Variants in TMEM200A observed in about 807,000 individuals in gnomAD.
TMEM200A encodes two transmembrane C.
In TMEM200A, 12 loss-of-function variants were observed where a neutral mutation model predicts 24.3. That is an observed-to-expected ratio of 0.49 (90% confidence interval 0.32 to 0.80). The LOEUF is 0.80. Ranked by LOEUF, TMEM200A falls within the 30% of genes least tolerant of loss-of-function variation. TMEM200A has a pLI of 0.04. For missense variants in TMEM200A, 545 were observed against 614.4 expected (o/e 0.89, Z 1.19); for synonymous variants, 224 against 224.4 (o/e 1.00, Z 0.02).
At chr6:130,392,452 T>C (rs1778856915) in intron 2 of TMEM200A, among the ~76,000 whole-genome samples, 1 of 152,228 alleles carries the variant, frequency 6.6e-6, no homozygotes, top group East Asian at 1.9e-4. Flanking sequence ...TCATTTCCAG[T>C]GCAATAGCTT....
At chr6:130,407,762 T>C (rs1262987770) in intron 2 of TMEM200A, among the ~76,000 whole-genome samples, 1 of 152,198 alleles carries the variant, frequency 6.6e-6, no homozygotes, top group Non-Finnish European at 1.5e-5. Context: ...AATAACATTT[T>C]AGAAACAGAA....
At chr6:130,388,683 A>G (rs1015984832) in intron 2 of TMEM200A, among the ~76,000 whole-genome samples, 4 of 152,108 alleles carry the variant, frequency 2.6e-5, no homozygotes, top group East Asian at 1.9e-4. Context: ...TATATTTGTA[A>G]ATATATAGTT....
At chr6:130,408,133 A>G (rs185769591) in intron 2 of TMEM200A, among the ~76,000 whole-genome samples, 7 of 152,290 alleles carry the variant, frequency 4.6e-5, no homozygotes, top group African/African-American at 1.2e-4. Flanking sequence ...CGTAGTGCAC[A>G]ATACTGTAGT....
chr6:130,417,294 T>TCAAA (rs1236848670), intron 2 of TMEM200A, among the ~76,000 whole-genome samples: 4 of 152,184 alleles, frequency 2.6e-5, no homozygotes, highest in Non-Finnish European at 4.4e-5. Flanking sequence ...TGAATGTCAC[T>TCAAA]CAAACACTTT....
chr6:130,420,977 T>C (rs2115181464), intron 2 of TMEM200A: 1 of 152,330 alleles, frequency 6.6e-6, no homozygotes, highest in Middle Eastern at 3.4e-3. Flanking sequence ...GTTTCTCTAG[T>C]AACAGCATTC....
chr6:130,382,995 T>C (rs1778636036), intron 1 of TMEM200A: 6 of 984,974 alleles, frequency 6.1e-6, no homozygotes, highest in Middle Eastern at 5.2e-4. Context: ...GCAAACCATC[T>C]CACCCAAGGG....
chr6:130,415,574 T>C (rs949081531), intron 2 of TMEM200A, among the ~76,000 whole-genome samples: 2 of 152,168 alleles, frequency 1.3e-5, no homozygotes, highest in African/African-American at 2.4e-5. Flanking sequence ...TGAAAGGATG[T>C]GGGGGTCTCT....
At chr6:130,431,149 A>G (rs964509857) in intron 2 of TMEM200A, among the ~76,000 whole-genome samples, 6 of 152,166 alleles carry the variant, frequency 3.9e-5, no homozygotes, top group East Asian at 1.9e-4. Flanking sequence ...TGAAATTGCT[A>G]TTGTCCTCCA....
intron 2 of TMEM200A, among the ~76,000 whole-genome samples, chr6:130,401,681 T>G (rs1047436319): frequency 2.0e-5 from 3 of 152,000 alleles, no homozygotes; most frequent in Non-Finnish European, 4.4e-5. Context: ...ATTGCAAGAT[T>G]GTTTTCCTGA....
At chr6:130,426,770 A>G (rs1282032977) in intron 2 of TMEM200A, among the ~76,000 whole-genome samples, 1 of 152,188 alleles carries the variant, frequency 6.6e-6, no homozygotes, top group Non-Finnish European at 1.5e-5. Context: ...GAGAAAGTTC[A>G]TCGATGCTGA....
chr6:130,438,124 A>G (rs1780065071), intron 2 of TMEM200A: 1 of 152,236 alleles, frequency 6.6e-6, no homozygotes, highest in Admixed American at 6.5e-5. Context: ...TCAAGAAAAC[A>G]TAGGTTGACA....
chr6:130,390,834 T>C (rs1778816315), intron 2 of TMEM200A, among the ~76,000 whole-genome samples: 1 of 152,230 alleles, frequency 6.6e-6, no homozygotes, highest in Non-Finnish European at 1.5e-5. Flanking sequence ...TGTTCACTGC[T>C]CTGCTCTCTG....
At chr6:130,385,793 T>C (rs4897419) in intron 2 of TMEM200A, among the ~76,000 whole-genome samples, 74,071 of 152,066 alleles carry the variant, frequency 0.49, 22,137 homozygotes, top group African/African-American at 0.85. Context: ...TGTAATCTCA[T>C]ATTATTTTAC....
chr6:130,440,350 GC>G (rs898700018), intron 2 of TMEM200A, 56 bp from the exon 3 acceptor site: 2 of 1,455,308 alleles, frequency 1.4e-6, no homozygotes, highest in Non-Finnish European at 1.8e-6. Flanking sequence ...TTGAACTGAT[GC>G]TCATACCCCA....
rs78463675 is a variant in TMEM200A at position 130,416,609 on chromosome 6, C to T, written c.-16-23798C>T. On this transcript the variant is annotated intron_variant, in intron 2 of 2. Transcript: ENST00000296978. The stretch of plus-strand genomic sequence containing the variant: ...CTGTCTGTTCTGTCTACTCTGTTCA[C>T]CCTAGTGACTGCCACCCTGGTTCAA... Among the ~76,000 whole-genome samples the T allele has an allele frequency of 4.2e-3, 634 of 152,248 alleles. 7 individuals carry two copies. The highest frequency in any genetic ancestry group is 0.014 in the African/African-American group (590 of 41,544).
chr6:130,428,623 C>T (rs1562570127), intron 2 of TMEM200A, among the ~76,000 whole-genome samples: 1 of 152,116 alleles, frequency 6.6e-6, no homozygotes, highest in Non-Finnish European at 1.5e-5. Flanking sequence ...TAGGTGTGCC[C>T]ATTAAATTCA....
At chr6:130,370,890 G>C (rs1280450223) in intron 1 of TMEM200A, among the ~76,000 whole-genome samples, 1 of 152,166 alleles carries the variant, frequency 6.6e-6, no homozygotes, top group African/African-American at 2.4e-5. Flanking sequence ...GTGAAAGTTT[G>C]AACAGGGAGC....
At chr6:130,425,075 G>C (rs1225391118) in intron 2 of TMEM200A, among the ~76,000 whole-genome samples, 1 of 151,982 alleles carries the variant, frequency 6.6e-6, no homozygotes, top group African/African-American at 2.4e-5. Context: ...CCATCCTTGT[G>C]CCTAGTAATA....
intron 2 of TMEM200A, among the ~76,000 whole-genome samples, chr6:130,410,871 A>G (rs1562563104): frequency 6.6e-6 from 1 of 152,204 alleles, no homozygotes; most frequent in Non-Finnish European, 1.5e-5. Context: ...CCTTTAGTAG[A>G]AGTTTTGGAA....
Sources: gnomAD v4.1 joint callset for allele counts (sites outside exome capture counted in the v4.1 genomes callset) on GRCh38, gnomAD v4.1.1 for gene constraint, MANE v1.5 for transcripts, NCBI Gene and HGNC (gene_info 2026-07-23, HGNC 2026-07-21) for gene names.